Variants in ARHGEF4 observed in about 807,000 individuals in gnomAD.
The protein encoded by ARHGEF4 is Rho guanine nucleotide exchange factor 4.
Under a neutral mutation model 162.0 loss-of-function variants are expected in ARHGEF4, and 119 were observed. The ratio of observed to expected loss-of-function variants is 0.73; its 90% CI spans 0.63 to 0.86. The LOEUF (loss-of-function observed/expected upper bound fraction) is 0.86, where lower values mean the gene tolerates loss of function less well. ARHGEF4 is among the 40% of genes least tolerant of loss of function. The pLI, the probability that ARHGEF4 is intolerant of heterozygous loss-of-function variation, is 0.00. For missense variants in ARHGEF4, 2,488 were observed against 2,456.0 expected (o/e 1.01, Z -0.28); for synonymous variants, 1,014 against 979.9 (o/e 1.03, Z -0.65).
Position 131,018,153 on chromosome 2 carries a change from A to G in ARHGEF4, c.3986-9792A>G, listed in dbSNP as rs754938531. On this transcript the variant is annotated intron_variant, in intron 4 of 13. Coordinates refer to ENST00000409359, the MANE Select transcript of ARHGEF4 (RefSeq NM_001367493.1). ...AACACATTGATCAATGGGACAGAAT[A>G]GAAAATCCAGAAATAGTGCCAAACA... Among the ~76,000 whole-genome samples, 3 of 152,258 alleles carry G rather than the reference A, an allele frequency of 2.0e-5. 1 individual carries two copies. Among genetic ancestry groups the G allele is most frequent in the Non-Finnish European group, 2.9e-5 (2 of 68,042 alleles).
rs778492515 is a variant in ARHGEF4, at chr2:130,931,072, C to G, written c.3673C>G (p.Leu1225Val). The change falls in exon 3 of 14, where the codon CTC (leucine) becomes GTC (valine). Residue 1225 changes from leucine (L) to valine (V), a missense_variant. Leu to Val is a conservative substitution (Grantham distance 32, BLOSUM62 1). This residue lies in a region of ARHGEF4 where 1,642 missense variants were observed against 1,481.5 expected (regional missense o/e 1.11). Transcript: ENST00000409359. ...CACCACTGACATGGTGACATGGGCC[C>G]TCCTCTGCATCTCTGCAGAGACTGT... Reference protein sequence around the residue: ...CFTTDMVTWALLCISAETVRG... With the variant: ...CFTTDMVTWAVLCISAETVRG... 1 of 1,614,222 alleles carries G rather than the reference C, an allele frequency of 6.2e-7. No homozygotes were observed. The highest frequency in any genetic ancestry group is 1.1e-5 in the South Asian group (1 of 91,082).
intron 4 of ARHGEF4, among the ~76,000 whole-genome samples, chr2:131,000,898 C>A (rs1368672189): frequency 1.3e-5 from 2 of 152,102 alleles, no homozygotes; most frequent in Admixed American, 1.3e-4. Context: ...AAACAGTGTG[C>A]CTTCTCACAG....
rs747068969 is a variant in ARHGEF4, at chr2:130,917,212, C to G, written c.3266C>G (p.Pro1089Arg). The G allele has an allele frequency of 7.1e-6, 11 of 1,550,520 alleles. No homozygotes were observed. In the South Asian group the frequency reaches 1.3e-4, roughly 18 times the overall value. The part of the protein sequence containing the change: ...AYENPGTPCR[P>R]TSPKPLSPRP... Reference sequence around the variant, plus strand: ...GAAAACCCCGGGACGCCCTGCAGACCCACGAGCCCCAAGCCCCTGAGTCCC... The same window carrying G: ...GAAAACCCCGGGACGCCCTGCAGACGCACGAGCCCCAAGCCCCTGAGTCCC... Residue 1089 changes from proline (P) to arginine (R), a missense_variant, in exon 2 of 14, where the codon CCC (proline) becomes CGC (arginine). Transcript: ENST00000409359.
Position 130,917,273 on chromosome 2 carries a change from C to CG in ARHGEF4, c.3330dup (p.Arg1111GlufsTer3). ...CTCAGCGGATGGGTCTCCACTACCCCGGGAGGGGTAGCGCCATCTCCATGG... is the reference window on the plus strand; with the variant it reads ...CTCAGCGGATGGGTCTCCACTACCCCGGGGAGGGGTAGCGCCATCTCCATGG... On this transcript the variant is annotated frameshift_variant, in exon 2 of 14. Coordinates refer to ENST00000409359, the MANE Select transcript of ARHGEF4 (RefSeq NM_001367493.1). LOFTEE classifies it high-confidence loss of function. 2 of 1,550,508 alleles carry CG rather than the reference C, an allele frequency of 1.3e-6. No individual in the cohort carries two copies. The highest frequency in any genetic ancestry group is 1.7e-6 in the Non-Finnish European group (2 of 1,146,978).
chr2:130,871,830 T>G (rs1478855227), intron 1 of ARHGEF4, among the ~76,000 whole-genome samples: 1 of 152,210 alleles, frequency 6.6e-6, no homozygotes, highest in Admixed American at 6.5e-5. Context: ...TTCTTAACTC[T>G]TGCCAGTGGA....
At chr2:131,011,603 A>G (rs1341724663) in intron 4 of ARHGEF4, 15 of 1,525,436 alleles carry the variant, frequency 9.8e-6, no homozygotes, top group African/African-American at 1.4e-5. Flanking sequence ...TAATCCCCCC[A>G]TTGGTCGTTC....
At chr2:130,886,162 G>A (rs531644157) in intron 1 of ARHGEF4, among the ~76,000 whole-genome samples, 31 of 152,012 alleles carry the variant, frequency 2.0e-4, no homozygotes, top group Admixed American at 1.8e-3. Flanking sequence ...TTGCCTCCTT[G>A]GTGCTTACCC....
At chr2:130,871,506 A>T (rs113742060) in intron 1 of ARHGEF4, among the ~76,000 whole-genome samples, 48 of 152,010 alleles carry the variant, frequency 3.2e-4, no homozygotes, top group African/African-American at 1.1e-3. Context: ...ATTGTACTCC[A>T]GCCTGGGCGG....
intron 4 of ARHGEF4, among the ~76,000 whole-genome samples, chr2:130,952,854 T>C (rs1684038450): frequency 6.6e-6 from 1 of 152,154 alleles, no homozygotes; most frequent in Non-Finnish European, 1.5e-5. Flanking sequence ...ACAAGGGATG[T>C]GAAGGACCTC....
At chr2:130,852,743 C>G (rs780228427) in intron 1 of ARHGEF4, among the ~76,000 whole-genome samples, 1 of 152,182 alleles carries the variant, frequency 6.6e-6, no homozygotes, top group Non-Finnish European at 1.5e-5. Context: ...TCGCCTCCTG[C>G]GGGCGGTGGA....
chr2:130,963,767 GCT>G (rs1353013711), intron 4 of ARHGEF4: 2 of 147,052 alleles, frequency 1.4e-5, no homozygotes, highest in Non-Finnish European at 3.0e-5. Context: ...GACGCGCTGC[GCT>G]CTGCCGGGAG....
chr2:130,921,955 G>C (rs1681900297), intron 2 of ARHGEF4, among the ~76,000 whole-genome samples: 1 of 151,886 alleles, frequency 6.6e-6, no homozygotes, highest in African/African-American at 2.4e-5. Flanking sequence ...GCCTCCCAAA[G>C]TGCTGGGATT....
intron 4 of ARHGEF4, among the ~76,000 whole-genome samples, chr2:130,950,981 G>C (rs1190331804): frequency 1.3e-5 from 2 of 152,148 alleles, no homozygotes; most frequent in African/African-American, 4.8e-5. Flanking sequence ...TAGGGAGATG[G>C]CTTCTGTCCT....
chr2:130,975,603 C>T (rs970277834), intron 4 of ARHGEF4, among the ~76,000 whole-genome samples: 7 of 152,194 alleles, frequency 4.6e-5, no homozygotes, highest in African/African-American at 9.7e-5. Flanking sequence ...TTGCCCTGCT[C>T]CCTGCCTCCA....
chr2:130,976,623 C>T lies in ARHGEF4; in HGVS notation c.3985+29988C>T, dbSNP rs183071706. Among the ~76,000 whole-genome samples the T allele has an allele frequency of 1.7e-3, 255 of 152,186 alleles. 1 individual carries two copies. The highest frequency in any genetic ancestry group is 5.9e-3 in the African/African-American group (243 of 41,504). The stretch of plus-strand genomic sequence containing the variant: ...GGCAGGTGTGAAAAGCCTCACTCCA[C>T]GAAATTTCAGAAATAAATACGAGTC... On this transcript the variant is annotated intron_variant, in intron 4 of 13. Transcript: ENST00000409359.
At chr2:130,923,210 G>A (rs761683417) in intron 2 of ARHGEF4, among the ~76,000 whole-genome samples, 8 of 152,150 alleles carry the variant, frequency 5.3e-5, no homozygotes, top group Non-Finnish European at 8.8e-5. Context: ...GATTACAGGC[G>A]TGAGCCATCG....
chr2:130,964,213 T>G, intron 4 of ARHGEF4: 1 of 985,328 alleles, frequency 1.0e-6, no homozygotes, highest in Non-Finnish European at 1.2e-6. Context: ...CGTGTCCCGC[T>G]CCTGGAGCCT....
At chr2:130,971,234 C>T (rs1304864241) in intron 4 of ARHGEF4, among the ~76,000 whole-genome samples, 3 of 152,178 alleles carry the variant, frequency 2.0e-5, no homozygotes, top group African/African-American at 7.2e-5. Context: ...TTGTGTTGGT[C>T]TATTTCTAGC....
chr2:130,932,760 G>A (rs911049646), intron 3 of ARHGEF4, among the ~76,000 whole-genome samples: 2 of 151,684 alleles, frequency 1.3e-5, no homozygotes, highest in Admixed American at 1.3e-4. Flanking sequence ...TATACCTTTC[G>A]CTTTTAAATT....
Sources: gnomAD v4.1 joint callset for allele counts (sites outside exome capture counted in the v4.1 genomes callset) on GRCh38, gnomAD v4.1.1 for gene constraint, gnomAD v4.1.1 regional missense constraint, MANE v1.5 for transcripts, NCBI Gene and HGNC (gene_info 2026-07-23, HGNC 2026-07-21) for gene names.